The following SV2C variants were observed in gnomAD, a reference collection of about 807,000 sequenced individuals.
SV2C encodes synaptic vesicle glycoprotein 2C.
A neutral mutation model predicts 79.7 loss-of-function variants in SV2C; 49 were observed. The observed-to-expected ratio is 0.61, with a 90% CI of 0.49 to 0.78. The LOEUF (loss-of-function observed/expected upper bound fraction) is 0.78, where lower values mean the gene tolerates loss of function less well. Among genes scored for constraint, SV2C ranks in the 30% least tolerant of loss-of-function variants. SV2C has a pLI of 0.00. For synonymous variants in SV2C, 334 were observed against 333.2 expected, an observed-to-expected ratio of 1.00 and a Z score of -0.03; for missense variants, 833 against 912.9, an observed-to-expected ratio of 0.91 and a Z score of 1.13.
intron 2 of SV2C, among the ~76,000 whole-genome samples, chr5:76,181,540 T>G (rs983135615): frequency 1.3e-5 from 2 of 152,054 alleles, no homozygotes; most frequent in African/African-American, 4.8e-5. Context: ...CTTGGGAAAT[T>G]TACAATCTTG....
At chr5:75,869,378 G>T in the SV2C span, among the ~76,000 whole-genome samples, 1 of 152,242 alleles carries the variant, frequency 6.6e-6, no homozygotes, top group East Asian at 1.9e-4. Context: ...AGTATTCCCG[G>T]TGGGCCTGTG....
At chr5:76,139,559 T>G (rs1051128954) in intron 2 of SV2C, among the ~76,000 whole-genome samples, 1 of 152,214 alleles carries the variant, frequency 6.6e-6, no homozygotes, top group African/African-American at 2.4e-5. Context: ...TTCTAAGAGA[T>G]AGATCTGTCT....
rs149295150 is a variant in SV2C at position 76,089,292 on chromosome 5, T to C, written c.-102+5780T>C. 2.4e-3 allele frequency among the ~76,000 whole-genome samples: 360 copies of C among 152,316 alleles called. 3 individuals are homozygous for C. The highest frequency in any genetic ancestry group is 8.3e-3 in the African/African-American group (344 of 41,574). On this transcript the variant is annotated intron_variant, in intron 1 of 12. Coordinates refer to ENST00000502798, the MANE Select transcript of SV2C (RefSeq NM_014979.4). ...GAACATGCAGTATTTGGCGTTCTGT[T>C]CCTGCATTAGTTTGCTGAGGATAAT... is the stretch of plus-strand genomic sequence containing the variant.
At chr5:76,066,623 A>G in the SV2C span, among the ~76,000 whole-genome samples, 101 of 150,624 alleles carry the variant, frequency 6.7e-4, 1 homozygote, top group East Asian at 0.012. Flanking sequence ...AGAAGAAGAA[A>G]AAAAAAGAAC....
At chr5:75,929,027 G>C in the SV2C span, among the ~76,000 whole-genome samples, 1 of 152,044 alleles carries the variant, frequency 6.6e-6, no homozygotes, top group Non-Finnish European at 1.5e-5. Context: ...CTGCCATTTT[G>C]CACTCATTAT....
chr5:76,096,179 A>G (rs1747551903), intron 1 of SV2C, among the ~76,000 whole-genome samples: 2 of 152,070 alleles, frequency 1.3e-5, no homozygotes, highest in Admixed American at 6.6e-5. Context: ...TTGAGCATTT[A>G]TGTTTATATT....
the SV2C span, among the ~76,000 whole-genome samples, chr5:75,995,103 C>T: frequency 2.7e-4 from 41 of 152,068 alleles, no homozygotes; most frequent in African/African-American, 9.9e-4. Context: ...TATTTAGGCC[C>T]TCAAAGGATT....
the SV2C span, among the ~76,000 whole-genome samples, chr5:76,068,965 G>A: frequency 1.3e-5 from 2 of 152,076 alleles, no homozygotes; most frequent in Non-Finnish European, 2.9e-5. Flanking sequence ...AATACCATCT[G>A]CAAAGTATAC....
chr5:76,035,699 G>A, the SV2C span, among the ~76,000 whole-genome samples: 2 of 152,158 alleles, frequency 1.3e-5, no homozygotes, highest in Admixed American at 6.5e-5. Context: ...GTGTGGTGTG[G>A]TGCTGAAAAG....
At chr5:75,856,520 G>T in the SV2C span, among the ~76,000 whole-genome samples, 1 of 152,094 alleles carries the variant, frequency 6.6e-6, no homozygotes, top group Admixed American at 6.6e-5. Context: ...TTGTAGTTTT[G>T]ATTTGCATTT....
At chr5:76,023,182 A>G in the SV2C span, among the ~76,000 whole-genome samples, 1 of 152,110 alleles carries the variant, frequency 6.6e-6, no homozygotes, top group African/African-American at 2.4e-5. Flanking sequence ...TTTGATATTA[A>G]TTTTTGTTCA....
At chr5:76,336,554 G>A (rs567512891), downstream of SV2C, among the ~76,000 whole-genome samples, 1 of 152,268 alleles carries the variant, frequency 6.6e-6, no homozygotes, top group Admixed American at 6.5e-5. Flanking sequence ...CTGGGAGGTG[G>A]AGGCCGCAGT....
chr5:75,873,851 C>T, the SV2C span, among the ~76,000 whole-genome samples: 7 of 151,982 alleles, frequency 4.6e-5, no homozygotes, highest in Admixed American at 1.3e-4. Context: ...TGAGACTAAG[C>T]CAGGAAGAAA....
At chr5:75,884,752 C>A in the SV2C span, among the ~76,000 whole-genome samples, 5 of 152,028 alleles carry the variant, frequency 3.3e-5, no homozygotes, top group Non-Finnish European at 7.4e-5. Context: ...CGAAACATCA[C>A]ACTGTACCCC....
At chr5:75,983,143 A>G in the SV2C span, among the ~76,000 whole-genome samples, 1 of 152,150 alleles carries the variant, frequency 6.6e-6, no homozygotes, top group Non-Finnish European at 1.5e-5. Context: ...AATAATCTGT[A>G]ATATAAATCT....
At chr5:76,280,831 T>C (rs187170583) in intron 4 of SV2C, 22 of 393,590 alleles carry the variant, frequency 5.6e-5, no homozygotes, top group African/African-American at 4.6e-4. Flanking sequence ...GAGCCAGCAG[T>C]TGCAGCCAGG....
At chr5:76,350,047 T>C (rs1376128547) in intron 12 of SV2C, among the ~76,000 whole-genome samples, 1 of 152,130 alleles carries the variant, frequency 6.6e-6, no homozygotes. Context: ...AGGTTCTGGT[T>C]TTATGGACTC....
At chr5:76,007,828 G>A in the SV2C span, among the ~76,000 whole-genome samples, 1 of 152,038 alleles carries the variant, frequency 6.6e-6, no homozygotes, top group African/African-American at 2.4e-5. Context: ...GTGACTTATG[G>A]AAATCAGCTG....
chr5:76,003,760 G>A, the SV2C span, among the ~76,000 whole-genome samples: 6 of 152,200 alleles, frequency 3.9e-5, no homozygotes, highest in East Asian at 1.9e-4. Flanking sequence ...AAAAGCAGGG[G>A]CCATTTGGGT....
Sources: allele counts gnomAD v4.1 joint callset (sites outside exome capture counted in the v4.1 genomes callset), GRCh38; gene constraint gnomAD v4.1.1; transcripts MANE v1.5; gene names NCBI Gene and HGNC (gene_info 2026-07-23, HGNC 2026-07-21).